The following C6orf89 variants were observed in gnomAD, a reference collection of about 807,000 sequenced individuals.
The protein encoded by C6orf89 is bombesin receptor-activated protein C6orf89.
In C6orf89, 29 loss-of-function variants were observed where a neutral mutation model predicts 40.7. That is an observed-to-expected ratio of 0.71 (90% CI 0.53 to 0.97). C6orf89 has a LOEUF of 0.97. Ranked by LOEUF, C6orf89 falls within the 50% of genes least tolerant of loss-of-function variation. C6orf89 has a pLI of 0.00. For synonymous variants in C6orf89, 165 were observed against 152.2 expected (o/e 1.08, Z -0.62); for missense variants, 392 against 429.1 (o/e 0.91, Z 0.76).
At chr6:36,877,101 G>A (rs745837151) in intron 1 of C6orf89, among the ~76,000 whole-genome samples, 4 of 152,134 alleles carry the variant, frequency 2.6e-5, no homozygotes, top group Non-Finnish European at 5.9e-5. Context: ...TTTGTGAGAT[G>A]TATTCATGTT....
At chr6:36,907,396 C>G (rs1761968319) in intron 4 of C6orf89, among the ~76,000 whole-genome samples, 1 of 152,156 alleles carries the variant, frequency 6.6e-6, no homozygotes, top group Non-Finnish European at 1.5e-5. Flanking sequence ...GAGAACCAGC[C>G]TAAGTGAGTT....
chr6:36,896,261 C>A (rs1239717413), intron 2 of C6orf89, among the ~76,000 whole-genome samples: 1 of 152,150 alleles, frequency 6.6e-6, no homozygotes, highest in Non-Finnish European at 1.5e-5. Flanking sequence ...GTGCCTGCCA[C>A]CACACCCGGC....
At chr6:36,911,028 G>T (rs1762107065) in intron 4 of C6orf89, among the ~76,000 whole-genome samples, 1 of 152,022 alleles carries the variant, frequency 6.6e-6, no homozygotes, top group Non-Finnish European at 1.5e-5. Flanking sequence ...CTAACTTTCA[G>T]TTCCCTCAAG....
chr6:36,911,659 A>G (rs1446695718), intron 4 of C6orf89, among the ~76,000 whole-genome samples: 2 of 152,082 alleles, frequency 1.3e-5, no homozygotes, highest in Non-Finnish European at 2.9e-5. Flanking sequence ...AGACTGTCAT[A>G]ATTAACTGAT....
At chr6:36,875,366 A>T (rs1398768009) in intron 1 of C6orf89, among the ~76,000 whole-genome samples, 1 of 152,262 alleles carries the variant, frequency 6.6e-6, no homozygotes, top group Non-Finnish European at 1.5e-5. Context: ...TCATAAAGCA[A>T]ATCTGAGCCT....
intron 1 of C6orf89, among the ~76,000 whole-genome samples, chr6:36,894,182 CTG>C (rs909907487): frequency 1.8e-4 from 27 of 152,320 alleles, no homozygotes; most frequent in African/African-American, 6.5e-4. Context: ...GTGTTCTCTT[CTG>C]TGTGTGATGT....
At chr6:36,877,192 C>T (rs997845343) in intron 1 of C6orf89, among the ~76,000 whole-genome samples, 28 of 152,178 alleles carry the variant, frequency 1.8e-4, no homozygotes, top group African/African-American at 5.1e-4. Context: ...AATGGTGCTG[C>T]GATGGATATT....
At chr6:36,885,611 C>T (rs1774944224), upstream of C6orf89, among the ~76,000 whole-genome samples, 3 of 152,176 alleles carry the variant, frequency 2.0e-5, no homozygotes, top group South Asian at 6.2e-4. Context: ...ATTTCCCTTC[C>T]ACTCCCATCC....
intron 4 of C6orf89, among the ~76,000 whole-genome samples, chr6:36,906,378 C>G (rs890653584): frequency 6.6e-6 from 1 of 152,192 alleles, no homozygotes; most frequent in Non-Finnish European, 1.5e-5. Flanking sequence ...CAGTTTATTT[C>G]TCAGTCTTCA....
chr6:36,874,893 G>T (rs1458425136), intron 1 of C6orf89: 72 of 1,177,422 alleles, frequency 6.1e-5, no homozygotes, highest in Admixed American at 8.6e-5. Context: ...GGATTTGGGT[G>T]GCCAAGACAA....
rs141510829 is a variant in C6orf89, at chr6:36,875,667, T to C, written c.-627-3341T>C. Among the ~76,000 whole-genome samples the C allele has an allele frequency of 3.0e-4, 46 of 152,384 alleles. 1 individual carries two copies. In the East Asian group the frequency reaches 6.0e-3, roughly 20 times the overall value. ...TGCTTTGCACACCACTTAATAATGA[T>C]GGTTGAATGTTTACCATGTGCCAGG... On this transcript the variant is annotated intron_variant, in intron 1 of 9. Transcript: ENST00000359359.
chr6:36,878,948 C>G (rs754926330), intron 1 of C6orf89: 1 of 152,242 alleles, frequency 6.6e-6, no homozygotes, highest in Non-Finnish European at 1.5e-5. Context: ...ATTTGCGAAT[C>G]ATTCATTGCT....
At position 36,899,553 on chromosome 6, in the gene C6orf89, A is replaced by G; in HGVS notation, c.109A>G (p.Lys37Glu). The change falls in exon 3 of 9, where the codon AAA (lysine) becomes GAA (glutamate). Residue 37 changes from lysine to glutamate, a missense_variant. Lys to Glu is a moderately conservative substitution (Grantham distance 56). Coordinates refer to ENST00000480824, the MANE Select transcript of C6orf89 (RefSeq NM_001286635.2). ...QCGMSEKAIE[K>E]FIRQLLEKNE... ...TGGCATGTCAGAGAAGGCAATTGAA[A>G]AATTTATCAGACAGCTGCTGGAAAA... 6.2e-7 allele frequency: 1 copy of G among 1,614,168 alleles called. No individual in the cohort carries two copies. Among genetic ancestry groups the G allele is most frequent in the Non-Finnish European group, 8.5e-7 (1 of 1,180,018 alleles).
chr6:36,902,517 T>A, intron 4 of C6orf89, 83 bp downstream of exon 4: 2 of 1,246,162 alleles, frequency 1.6e-6, no homozygotes, highest in East Asian at 4.7e-5. Flanking sequence ...TATTGATACC[T>A]AATGAGAGGC....
chr6:36,879,457 GA>G (rs1214192254), intron 2 of C6orf89, among the ~76,000 whole-genome samples: 1 of 152,172 alleles, frequency 6.6e-6, no homozygotes, highest in African/African-American at 2.4e-5. Context: ...AGGGAACCCA[GA>G]AGGCTGGCAT....
At chr6:36,882,839 G>A (rs1774861216), upstream of C6orf89, among the ~76,000 whole-genome samples, 2 of 148,436 alleles carry the variant, frequency 1.3e-5, no homozygotes, top group Admixed American at 6.8e-5. Flanking sequence ...CCGGGTTCAC[G>A]CCATTCTCCT....
Position 36,923,510 on chromosome 6 carries a change from A to G in C6orf89, c.*69A>G, listed in dbSNP as rs1355834319. 2.4e-6 allele frequency: 3 copies of G among 1,234,260 alleles called. No individual in the cohort carries two copies. The highest frequency in any genetic ancestry group is 3.6e-6 in the Non-Finnish European group (3 of 844,716). 76.5% of individuals were successfully genotyped at this position (1,234,260 alleles called of 1,614,324 possible). A position where few individuals can be genotyped will look rare whatever the true frequency, so the allele number is the denominator to read the frequency against. ...AGGTTGAAAGGGGAAAAATAAAAAC[A>G]AAAACGATGAAACTGCTTTCTGGGG... is the stretch of plus-strand genomic sequence containing the variant. On this transcript the variant is annotated 3_prime_UTR_variant, in exon 9 of 9. Coordinates refer to ENST00000480824, the MANE Select transcript of C6orf89 (RefSeq NM_001286635.2).
chr6:36,874,795 T>A (rs1379292896), intron 1 of C6orf89: 2 of 1,613,344 alleles, frequency 1.2e-6, no homozygotes, highest in Non-Finnish European at 1.7e-6. Context: ...GGCGGAATGC[T>A]TGTCTAGTAA....
intron 1 of C6orf89, among the ~76,000 whole-genome samples, chr6:36,878,262 G>A (rs1193297758): frequency 1.3e-5 from 2 of 152,112 alleles, no homozygotes; most frequent in Non-Finnish European, 2.9e-5. Context: ...TCTCTATTCT[G>A]TTTCATTGGT....
Sources: gnomAD v4.1 joint callset for allele counts (sites outside exome capture counted in the v4.1 genomes callset) on GRCh38, gnomAD v4.1.1 for gene constraint, MANE v1.5 for transcripts, NCBI Gene and HGNC (gene_info 2026-07-23, HGNC 2026-07-21) for gene names.